Variants in NRXN3 observed in about 807,000 individuals in gnomAD.
NRXN3 encodes neurexin III.
Under a neutral mutation model 137.6 loss-of-function variants are expected in NRXN3, and 32 were observed. The observed-to-expected ratio is 0.23, with a 90% confidence interval of 0.18 to 0.31. The LOEUF is 0.31. Ranked by LOEUF, NRXN3 falls within the 10% of genes least tolerant of loss-of-function variation. NRXN3 has a pLI of 1.00. For synonymous variants in NRXN3, 798 were observed against 784.5 expected, an observed-to-expected ratio of 1.02 and a Z score of -0.29; for missense variants, 1,574 against 2,062.5, an observed-to-expected ratio of 0.76 and a Z score of 4.59.
At chr14:78,516,435 G>A (rs933889159) in intron 4 of NRXN3, among the ~76,000 whole-genome samples, 3 of 147,104 alleles carry the variant, frequency 2.0e-5, no homozygotes, top group African/African-American at 7.4e-5. Flanking sequence ...ATGAGGCCAG[G>A]TGATCTCTGA....
At chr14:78,473,934 T>C (rs2095331625) in intron 4 of NRXN3, among the ~76,000 whole-genome samples, 1 of 152,234 alleles carries the variant, frequency 6.6e-6, no homozygotes, top group Admixed American at 6.5e-5. Context: ...AGTGTCAGTG[T>C]CTTTTGTTAC....
chr14:78,469,604 C>T (rs916907363), intron 4 of NRXN3, among the ~76,000 whole-genome samples: 4 of 152,060 alleles, frequency 2.6e-5, no homozygotes, highest in East Asian at 1.9e-4. Context: ...CTATACACTT[C>T]GAAGACCCAA....
At chr14:79,238,890 C>T (rs1356533871) in intron 15 of NRXN3, among the ~76,000 whole-genome samples, 1 of 152,110 alleles carries the variant, frequency 6.6e-6, no homozygotes, top group African/African-American at 2.4e-5. Flanking sequence ...TATTTGGGAC[C>T]AATTTCAAAG....
chr14:79,399,555 TG>T (rs1030553151), intron 15 of NRXN3, among the ~76,000 whole-genome samples: 8 of 152,054 alleles, frequency 5.3e-5, no homozygotes, highest in Non-Finnish European at 1.0e-4. Flanking sequence ...AACGGCATGG[TG>T]GGGAACAAGC....
chr14:79,513,107 A>G (rs1175275377), intron 16 of NRXN3, among the ~76,000 whole-genome samples: 1 of 152,234 alleles, frequency 6.6e-6, no homozygotes, highest in Non-Finnish European at 1.5e-5. Flanking sequence ...ATAACCCCAT[A>G]AGGATGGTGT....
intron 16 of NRXN3, among the ~76,000 whole-genome samples, chr14:79,501,115 G>C (rs2096822084): frequency 1.3e-5 from 2 of 152,142 alleles, no homozygotes; most frequent in African/African-American, 4.8e-5. Flanking sequence ...AAAAACTCCA[G>C]GGGATTTGAT....
At chr14:79,509,126 C>T (rs1018757336) in intron 16 of NRXN3, among the ~76,000 whole-genome samples, 2 of 152,010 alleles carry the variant, frequency 1.3e-5, no homozygotes, top group Non-Finnish European at 2.9e-5. Context: ...ACCTGGGAGG[C>T]GGAGTTGGAG....
intron 1 of NRXN3, among the ~76,000 whole-genome samples, chr14:78,217,894 C>G (rs986280669): frequency 6.6e-6 from 1 of 152,194 alleles, no homozygotes; most frequent in African/African-American, 2.4e-5. Flanking sequence ...TTCCTGACCT[C>G]AAGTAATCTG....
At chr14:78,675,003 A>G (rs1365504760) in intron 6 of NRXN3, among the ~76,000 whole-genome samples, 1 of 152,160 alleles carries the variant, frequency 6.6e-6, no homozygotes, top group Non-Finnish European at 1.5e-5. Context: ...AGTTCTCCAC[A>G]CAGCAGGTGC....
intron 6 of NRXN3, among the ~76,000 whole-genome samples, chr14:78,696,026 G>A (rs1472190092): frequency 6.6e-6 from 1 of 152,010 alleles, no homozygotes; most frequent in Non-Finnish European, 1.5e-5. Flanking sequence ...TTTGGCAGGT[G>A]CTCCTAAACA....
chr14:79,094,216 G>A (rs1049897839), intron 15 of NRXN3, among the ~76,000 whole-genome samples: 19 of 152,188 alleles, frequency 1.2e-4, no homozygotes, highest in African/African-American at 4.6e-4. Flanking sequence ...AGTGTCCTAA[G>A]CAGTGGGGTA....
At chr14:78,172,528 G>T (rs1466863091) in intron 1 of NRXN3, among the ~76,000 whole-genome samples, 3 of 152,142 alleles carry the variant, frequency 2.0e-5, no homozygotes, top group Admixed American at 1.3e-4. Flanking sequence ...TATTTCAGAC[G>T]GGTGCTGGTT....
At chr14:78,536,913 A>T (rs2096541549) in intron 4 of NRXN3, among the ~76,000 whole-genome samples, 3 of 152,128 alleles carry the variant, frequency 2.0e-5, no homozygotes, top group Admixed American at 1.3e-4. Flanking sequence ...AGCTTCATCC[A>T]TGTTCCTGCA....
At chr14:79,819,629 C>A (rs148334108) in intron 20 of NRXN3, among the ~76,000 whole-genome samples, 1 of 151,608 alleles carries the variant, frequency 6.6e-6, no homozygotes, top group South Asian at 2.1e-4. Flanking sequence ...GGACTAAAGG[C>A]GTGAGCCACC....
intron 16 of NRXN3, among the ~76,000 whole-genome samples, chr14:79,540,873 G>C (rs2097265429): frequency 6.6e-6 from 1 of 152,174 alleles, no homozygotes; most frequent in Non-Finnish European, 1.5e-5. Flanking sequence ...AACATGAAAA[G>C]GACCACAAAC....
rs1006408994 is a variant in NRXN3, at chr14:79,741,060, C to A, written c.4014+43123C>A. Among the ~76,000 whole-genome samples the A allele has an allele frequency of 4.0e-5, 6 of 151,854 alleles. No homozygotes were observed. The East Asian group carries it at 1.2e-3, about 29-fold the overall frequency. ...TAGAGAGGATCCACTATATTAAATT[C>A]TTATATATCCCTCAGTAGATGGCAC... On this transcript the variant is annotated intron_variant, in intron 19 of 20. Transcript: ENST00000335750.
At position 78,217,429 on chromosome 14, in the gene NRXN3, A is replaced by G. The variant is rs566579021; in HGVS notation, c.-703-24962A>G. Among the ~76,000 whole-genome samples the G allele has an allele frequency of 3.3e-5, 5 of 152,266 alleles. No homozygotes were observed. The South Asian group carries it at 8.3e-4, about 25-fold the overall frequency. On this transcript the variant is annotated intron_variant, in intron 1 of 20. Transcript: ENST00000335750. Reference sequence around the variant, plus strand: ...GTCATCTAGTGGGTAGAGGCCAGGGATGTTGCCAATCATCCAGCAATGCAA... The same window carrying G: ...GTCATCTAGTGGGTAGAGGCCAGGGGTGTTGCCAATCATCCAGCAATGCAA...
At chr14:78,759,136 T>A (rs2098681919) in intron 8 of NRXN3, among the ~76,000 whole-genome samples, 1 of 152,136 alleles carries the variant, frequency 6.6e-6, no homozygotes, top group Admixed American at 6.6e-5. Context: ...GCACTTTAGG[T>A]TCAAAGGGTT....
chr14:79,813,833 A>G (rs2099243255), intron 20 of NRXN3, among the ~76,000 whole-genome samples: 1 of 152,246 alleles, frequency 6.6e-6, no homozygotes, highest in African/African-American at 2.4e-5. Context: ...GATAAGAGTC[A>G]GAAAAAAATA....
Sources: allele counts gnomAD v4.1 joint callset (sites outside exome capture counted in the v4.1 genomes callset), GRCh38; gene constraint gnomAD v4.1.1; transcripts MANE v1.5; gene names NCBI Gene and HGNC (gene_info 2026-07-23, HGNC 2026-07-21).